Variants in DENND2A observed in about 807,000 individuals in gnomAD.
The protein encoded by DENND2A is DENN domain containing 2A.
In DENND2A, 53 loss-of-function variants were observed where a neutral mutation model predicts 105.3. That is an observed-to-expected ratio of 0.50 (90% CI 0.40 to 0.63). The LOEUF (loss-of-function observed/expected upper bound fraction) is 0.63, where lower values mean the gene tolerates loss of function less well. DENND2A is among the 30% of genes least tolerant of loss of function. The pLI is 0.00. For synonymous variants in DENND2A, 522 were observed against 508.4 expected (o/e 1.03, Z -0.36); for missense variants, 1,138 against 1,279.6 (o/e 0.89, Z 1.69).
chr7:140,581,792 A>G (rs753168622), intron 5 of DENND2A, among the ~76,000 whole-genome samples: 1 of 152,180 alleles, frequency 6.6e-6, no homozygotes, highest in Non-Finnish European at 1.5e-5. Context: ...ATACAGATAC[A>G]GCTGGACGTT....
chr7:140,614,307 C>T (rs1800007956), intron 1 of DENND2A, among the ~76,000 whole-genome samples: 1 of 151,970 alleles, frequency 6.6e-6, no homozygotes, highest in Non-Finnish European at 1.5e-5. Flanking sequence ...GTTTTGCCAC[C>T]TTGCCTAGGC....
At chr7:140,584,729 C>A (rs1798705471) in intron 5 of DENND2A, among the ~76,000 whole-genome samples, 1 of 152,198 alleles carries the variant, frequency 6.6e-6, no homozygotes, top group South Asian at 2.1e-4. Context: ...GCTTGGGTAT[C>A]CGCACAGAGA....
chr7:140,567,301 AG>A, intron 8 of DENND2A, 28 bp from the exon 9 acceptor site: 1 of 874,780 alleles, frequency 1.1e-6, no homozygotes, highest in Non-Finnish European at 1.5e-6. Context: ...AGAGAAAGAG[AG>A]AAAGAGAGAG....
At position 140,559,406 on chromosome 7, in the gene DENND2A, T is replaced by C. The variant is rs980462920; in HGVS notation, c.1889+302A>G. On this transcript the variant is annotated intron_variant, in intron 10 of 19. Transcript: ENST00000496613. The surrounding 1 kb of genome is among the most constrained non-coding windows in gnomAD (Gnocchi z 4.1). ...ATCTGGATAGGAGACTGAAGAGATGTTTCAGGATGAGAACGGGGAAGGGCA... is the reference window on the plus strand; with the variant it reads ...ATCTGGATAGGAGACTGAAGAGATGCTTCAGGATGAGAACGGGGAAGGGCA... Among the ~76,000 whole-genome samples, 1 of 152,126 alleles carries C rather than the reference T, an allele frequency of 6.6e-6. No homozygotes were observed. Among genetic ancestry groups the C allele is most frequent in the Non-Finnish European group, 1.5e-5 (1 of 68,010 alleles).
chr7:140,526,539 C>T (rs922481169), intron 15 of DENND2A, among the ~76,000 whole-genome samples: 1 of 152,190 alleles, frequency 6.6e-6, no homozygotes, highest in Non-Finnish European at 1.5e-5. Context: ...CGGAGGGCCA[C>T]CTCTCCTTCC....
chr7:140,624,916 G>T (rs1208131610), intron 1 of DENND2A, among the ~76,000 whole-genome samples: 1 of 149,044 alleles, frequency 6.7e-6, no homozygotes, highest in African/African-American at 2.5e-5. Flanking sequence ...TGTTGCCAAG[G>T]CTGGAGCGCA....
At chr7:140,597,349 C>A (rs1192549766) in intron 3 of DENND2A, among the ~76,000 whole-genome samples, 1 of 152,148 alleles carries the variant, frequency 6.6e-6, no homozygotes, top group East Asian at 1.9e-4. Context: ...GGCTTTCCTC[C>A]CTCAAAGAGG....
intron 6 of DENND2A, among the ~76,000 whole-genome samples, chr7:140,571,110 G>C (rs1394095765): frequency 6.6e-6 from 1 of 152,150 alleles, no homozygotes; most frequent in African/African-American, 2.4e-5. Context: ...GTATAGGTCA[G>C]TAAACAAAAA....
chr7:140,615,618 G>A (rs188713311), intron 1 of DENND2A, among the ~76,000 whole-genome samples: 10 of 151,392 alleles, frequency 6.6e-5, no homozygotes, highest in Admixed American at 6.6e-4. Flanking sequence ...GCTGACTGCA[G>A]TCTCAACCTT....
intron 1 of DENND2A, among the ~76,000 whole-genome samples, chr7:140,615,793 T>C (rs1347675049): frequency 6.6e-6 from 1 of 151,680 alleles, no homozygotes; most frequent in African/African-American, 2.4e-5. Context: ...GCTCAAGTGA[T>C]CCACACACCT....
rs147134620 is a variant in DENND2A, at chr7:140,630,994, G to A, written c.-248+9510C>T. Among the ~76,000 whole-genome samples, 258 of 152,288 alleles carry A rather than the reference G, an allele frequency of 1.7e-3. 1 individual carries two copies. The highest frequency in any genetic ancestry group is 5.9e-3 in the African/African-American group (246 of 41,556). On this transcript the variant is annotated intron_variant, in intron 1 of 19. Transcript: ENST00000496613. ...GGAGAGTTAGTGGTCCTGGGAGTGT[G>A]GGACACCCTATTTACCAACCAGAAT...
intron 8 of DENND2A, 146 bp downstream of exon 8, chr7:140,568,617 T>A (rs1034989822): frequency 4.6e-5 from 35 of 762,144 alleles, no homozygotes; most frequent in Non-Finnish European, 6.9e-5. Context: ...TGGAGCACCC[T>A]GTGGCCCCAC....
In DENND2A at chr7:140,521,937, G is replaced by T. The variant is rs755859873; in HGVS notation, c.2829C>A (p.Arg943=). Residue 943 remains arginine, a synonymous_variant, in exon 18 of 20, where the codon CGC becomes CGA. Transcript: ENST00000496613. ...TCTCCATGAAGACCTCCAGGAAGTG[G>T]CGGAGGCTCTTGGAGGAGACAGCTT... The part of the protein sequence containing the change: ...FRKAVSSKSL[R]HFLEVFMETQ... 6.2e-7 allele frequency: 1 copy of T among 1,614,158 alleles called. No homozygotes were observed. The highest frequency in any genetic ancestry group is 8.5e-7 in the Non-Finnish European group (1 of 1,180,046).
intron 18 of DENND2A, 96 bp downstream of exon 18, chr7:140,521,757 CTG>C (rs1795867363): frequency 1.3e-6 from 2 of 1,552,360 alleles, no homozygotes; most frequent in Non-Finnish European, 8.7e-7. Context: ...ACAGTCCTGT[CTG>C]TGCCCCTGCC....
At chr7:140,600,325 T>A (rs1799436984) in intron 3 of DENND2A, among the ~76,000 whole-genome samples, 1 of 151,996 alleles carries the variant, frequency 6.6e-6, no homozygotes, top group Admixed American at 6.6e-5. Context: ...CATTGACATT[T>A]AAAGCCATGG....
At chr7:140,581,831 G>T (rs1290450913) in intron 5 of DENND2A, among the ~76,000 whole-genome samples, 4 of 152,182 alleles carry the variant, frequency 2.6e-5, no homozygotes, top group African/African-American at 9.7e-5. Context: ...TCACCTACTG[G>T]GCTTAGCTGC....
In DENND2A at chr7:140,546,881, A is replaced by G; in HGVS notation, c.2096T>C (p.Met699Thr). Residue 699 changes from methionine (M) to threonine (T), a missense_variant, in exon 13 of 20, where the codon ATG (methionine) becomes ACG (threonine). By Grantham distance (81) the Met-to-Thr change is moderately conservative. Around this residue, in one of 2 missense-constraint regions of DENND2A, gnomAD observed 627 missense variants for 779.8 expected, o/e 0.80. Coordinates refer to ENST00000496613, the MANE Select transcript of DENND2A (RefSeq NM_015689.5). ...GISPALVQPL[M>T]RSVMEAPFPA... ...GAAAGGGGCTTCCATGACACTTCTC[A>G]TGAGTGGCTGAACCAGGGCAGGAGA... The G allele has an allele frequency of 6.2e-7, 1 of 1,613,462 alleles. No homozygotes were observed. The highest frequency in any genetic ancestry group is 8.5e-7 in the Non-Finnish European group (1 of 1,179,536).
intron 1 of DENND2A, among the ~76,000 whole-genome samples, chr7:140,627,772 C>A (rs941366033): frequency 6.6e-6 from 1 of 152,002 alleles, no homozygotes; most frequent in Non-Finnish European, 1.5e-5. Context: ...TGCAATCTTC[C>A]CACCTCAGCA....
chr7:140,530,194 A>C (rs759224886), intron 14 of DENND2A, among the ~76,000 whole-genome samples: 7 of 152,210 alleles, frequency 4.6e-5, no homozygotes, highest in Non-Finnish European at 5.9e-5. Context: ...ACTGCACTCC[A>C]GCATGGATGA....
Sources: gnomAD v4.1 joint callset for allele counts (sites outside exome capture counted in the v4.1 genomes callset) on GRCh38, gnomAD v4.1.1 for gene constraint, gnomAD v4.1.1 regional missense constraint, Gnocchi (gnomAD v3.1) non-coding constraint, MANE v1.5 for transcripts, NCBI Gene and HGNC (gene_info 2026-07-23, HGNC 2026-07-21) for gene names.